CFAP68: variants seen among roughly 807,000 people sequenced by gnomAD.
CFAP68 encodes cilia- and flagella-associated protein 68.
the CFAP68 span, chr11:111,882,749 C>A: frequency 1.4e-6 from 1 of 708,446 alleles, no homozygotes; most frequent in Non-Finnish European, 2.3e-6. Flanking sequence ...CAGTCCGCAG[C>A]TGAACCACCT....
At chr11:111,881,085 G>T in the CFAP68 span, 1 of 592,054 alleles carries the variant, frequency 1.7e-6, no homozygotes, top group Non-Finnish European at 2.4e-6. Context: ...ATGGAGGGTG[G>T]CAGTCTGATT....
At chr11:111,880,367 A>G in the CFAP68 span, among the ~76,000 whole-genome samples, 2 of 152,256 alleles carry the variant, frequency 1.3e-5, no homozygotes, top group Admixed American at 6.5e-5. Flanking sequence ...CCTGGGCTGC[A>G]TTCCCAGTAA....
At chr11:111,883,860 A>C in the CFAP68 span, 4 of 1,607,016 alleles carry the variant, frequency 2.5e-6, no homozygotes, top group Non-Finnish European at 3.4e-6. Flanking sequence ...AACTTACATG[A>C]ATAGCTATTC....
the CFAP68 span, chr11:111,881,482 G>C: frequency 6.5e-7 from 1 of 1,535,886 alleles, no homozygotes; most frequent in Admixed American, 2.0e-5. Flanking sequence ...TCTTTGCTTG[G>C]AGAACTGGGA....
At chr11:111,885,151 CA>C in the CFAP68 span, 102 of 100,086 alleles carry the variant, frequency 1.0e-3, no homozygotes, top group Admixed American at 1.2e-3. Flanking sequence ...AACTCCGTCT[CA>C]AAAAAAAAAA....
chr11:111,879,716 A>C, the CFAP68 span: 1 of 1,171,656 alleles, frequency 8.5e-7, no homozygotes, highest in Non-Finnish European at 1.3e-6. Flanking sequence ...AATGTGGCCT[A>C]TGATTTCAAT....
the CFAP68 span, among the ~76,000 whole-genome samples, chr11:111,882,014 C>T: frequency 1.3e-5 from 2 of 152,294 alleles, no homozygotes; most frequent in East Asian, 3.9e-4. Flanking sequence ...TTTTTGTTCT[C>T]TTTGACTGTA....
the CFAP68 span, among the ~76,000 whole-genome samples, chr11:111,882,881 T>C: frequency 6.6e-6 from 1 of 152,228 alleles, no homozygotes; most frequent in African/African-American, 2.4e-5. Context: ...ATTTATAATG[T>C]CTTCTGACTT....
the CFAP68 span, chr11:111,881,686 C>T: frequency 2.1e-6 from 3 of 1,439,536 alleles, no homozygotes; most frequent in Non-Finnish European, 2.7e-6. Context: ...TTTTATCTTA[C>T]CAAAAAAAAT....
chr11:111,880,664 G>A, the CFAP68 span: 2 of 395,078 alleles, frequency 5.1e-6, no homozygotes, highest in Admixed American at 6.0e-5. Flanking sequence ...ATAAAAATGG[G>A]CAACCAGCTG....
the CFAP68 span, among the ~76,000 whole-genome samples, chr11:111,880,475 A>G: frequency 6.6e-6 from 1 of 152,192 alleles, no homozygotes; most frequent in Non-Finnish European, 1.5e-5. Flanking sequence ...GAAGCCAGCT[A>G]AAATCCACCA....
At chr11:111,881,685 A>G in the CFAP68 span, 5 of 1,446,198 alleles carry the variant, frequency 3.5e-6, no homozygotes, top group Non-Finnish European at 4.5e-6. Flanking sequence ...CTTTTATCTT[A>G]CCAAAAAAAA....
At chr11:111,881,242 A>G in the CFAP68 span, 1 of 1,381,968 alleles carries the variant, frequency 7.2e-7, no homozygotes, top group Non-Finnish European at 9.3e-7. Context: ...GATCTCCAGT[A>G]TGAGTACCAG....
the CFAP68 span, chr11:111,885,404 G>A: frequency 6.6e-6 from 1 of 152,164 alleles, no homozygotes; most frequent in African/African-American, 2.4e-5. Flanking sequence ...GGTCACTAAG[G>A]AAACCTGTTG....
the CFAP68 span, chr11:111,882,494 A>G: frequency 6.2e-7 from 1 of 1,614,174 alleles, no homozygotes; most frequent in South Asian, 1.1e-5. Context: ...ATGGCGATGC[A>G]CCACTAATGA....
At chr11:111,885,381 C>G in the CFAP68 span, 1 of 150,526 alleles carries the variant, frequency 6.6e-6, no homozygotes, top group African/African-American at 2.5e-5. Context: ...ATTGTCTACT[C>G]CCCCCCAACA....
chr11:111,882,382 C>T, the CFAP68 span: 2 of 1,613,986 alleles, frequency 1.2e-6, no homozygotes, highest in Non-Finnish European at 1.7e-6. Context: ...AGAACCTCGC[C>T]TGTTTCCTCA....
At chr11:111,881,940 G>C in the CFAP68 span, among the ~76,000 whole-genome samples, 1 of 152,160 alleles carries the variant, frequency 6.6e-6, no homozygotes, top group Non-Finnish European at 1.5e-5. Context: ...ATTTGAGCTA[G>C]AAGGAAGGAA....
the CFAP68 span, chr11:111,879,605 G>A: frequency 6.2e-7 from 1 of 1,613,570 alleles, no homozygotes; most frequent in South Asian, 1.1e-5. Context: ...TTCTCTTCCA[G>A]GTGCTTAAAT....
Sources: gnomAD v4.1 joint callset for allele counts (sites outside exome capture counted in the v4.1 genomes callset) on GRCh38, gnomAD v4.1.1 for gene constraint, MANE v1.5 for transcripts, NCBI Gene and HGNC (gene_info 2026-07-23, HGNC 2026-07-21) for gene names.